Variants in CELF2 observed in about 807,000 individuals in gnomAD.
CELF2 encodes CUGBP Elav-like family member 2.
In CELF2, 8 loss-of-function variants were observed where a neutral mutation model predicts 62.6. The observed-to-expected ratio is 0.13, with a 90% CI of 0.07 to 0.23. The LOEUF (loss-of-function observed/expected upper bound fraction) is 0.23, where lower values mean the gene tolerates loss of function less well. Among genes scored for constraint, CELF2 ranks in the 10% least tolerant of loss-of-function variants. The pLI, the probability that CELF2 is intolerant of heterozygous loss-of-function variation, is 1.00. For synonymous variants in CELF2, 258 were observed against 250.0 expected, an observed-to-expected ratio of 1.03 and a Z score of -0.30; for missense variants, 333 against 671.0, an observed-to-expected ratio of 0.50 and a Z score of 5.56.
the CELF2 span, among the ~76,000 whole-genome samples, chr10:10,759,430 C>T: frequency 6.6e-6 from 1 of 151,272 alleles, no homozygotes; most frequent in Non-Finnish European, 1.5e-5. Flanking sequence ...CTACCTCAGG[C>T]TCCCAAGTAC....
chr10:11,198,676 C>A (rs774892789), intron 2 of CELF2, among the ~76,000 whole-genome samples: 58 of 152,160 alleles, frequency 3.8e-4, no homozygotes, highest in Non-Finnish European at 6.2e-4. Context: ...ACTTTGACAG[C>A]CAGCTATTGA....
chr10:10,574,167 G>T, the CELF2 span, among the ~76,000 whole-genome samples: 1 of 152,122 alleles, frequency 6.6e-6, no homozygotes, highest in Non-Finnish European at 1.5e-5. Flanking sequence ...GGGAATCATG[G>T]GAAATAAAGA....
At chr10:11,301,310 A>G (rs1361471972) in intron 9 of CELF2, among the ~76,000 whole-genome samples, 1 of 151,346 alleles carries the variant, frequency 6.6e-6, no homozygotes, top group Non-Finnish European at 1.5e-5. Context: ...CCCACCTTCT[A>G]CACAGAATAA....
At chr10:10,901,909 T>C (rs2062964792) in intron 1 of CELF2, among the ~76,000 whole-genome samples, 1 of 152,174 alleles carries the variant, frequency 6.6e-6, no homozygotes, top group Non-Finnish European at 1.5e-5. Flanking sequence ...TTTTTTGTAA[T>C]TGGGCAAAAG....
chr10:11,261,496 G>A (rs543902433), intron 5 of CELF2, among the ~76,000 whole-genome samples: 4 of 151,246 alleles, frequency 2.6e-5, no homozygotes, highest in Admixed American at 6.6e-5. Flanking sequence ...CTTACTCAGC[G>A]GCCCCAGCCC....
At chr10:10,509,743 C>A in the CELF2 span, among the ~76,000 whole-genome samples, 1 of 152,216 alleles carries the variant, frequency 6.6e-6, no homozygotes, top group East Asian at 1.9e-4. Context: ...ACACATACTG[C>A]AAACTCACTG....
rs964339804 is a variant in CELF2, at chr10:11,156,304, G to C, written c.75-9182G>C. On this transcript the variant is annotated intron_variant, in intron 1 of 12. Transcript: ENST00000633077. The surrounding 1 kb of genome is among the most constrained non-coding windows in gnomAD (Gnocchi z 4.3). ...TAATAGTGGCGACAGATCACATGAC[G>C]TGTGATTTAATTTTACTGCTTTGAA... Among the ~76,000 whole-genome samples, 4 of 152,144 alleles carry C rather than the reference G, an allele frequency of 2.6e-5. No individual in the cohort carries two copies. Among genetic ancestry groups the C allele is most frequent in the Admixed American group, 1.3e-4 (2 of 15,278 alleles).
At chr10:10,613,136 G>A in the CELF2 span, among the ~76,000 whole-genome samples, 7 of 5,588 alleles carry the variant, frequency 1.3e-3, no homozygotes, top group Admixed American at 3.0e-3. Context: ...TTTAAAAGTA[G>A]AGGGTTTTTT....
chr10:11,268,077 G>C lies in CELF2; in HGVS notation c.618+1400G>C, dbSNP rs1380930815. On this transcript the variant is annotated intron_variant, in intron 6 of 12. Transcript: ENST00000633077. The surrounding 1 kb of genome is among the most constrained non-coding windows in gnomAD (Gnocchi z 4.7). ...TTGGAATGTCTAGGAAGCTAATCTT[G>C]TCTGACACGCAGTTACACGTGTGAT... 6.6e-6 allele frequency among the ~76,000 whole-genome samples: 1 copy of C among 152,140 alleles called. No homozygotes were observed. The highest frequency in any genetic ancestry group is 1.5e-5 in the Non-Finnish European group (1 of 68,020).
chr10:11,225,009 A>C (rs1032894125), intron 3 of CELF2, among the ~76,000 whole-genome samples: 1 of 152,198 alleles, frequency 6.6e-6, no homozygotes, highest in African/African-American at 2.4e-5. Flanking sequence ...GGGGAGGGAA[A>C]GAAGTTTCGT....
chr10:11,282,509 T>C (rs1382761102), intron 8 of CELF2, among the ~76,000 whole-genome samples: 2 of 152,244 alleles, frequency 1.3e-5, no homozygotes, highest in Non-Finnish European at 2.9e-5. Flanking sequence ...GGAGCTTGCC[T>C]GGCACGCGCT....
the CELF2 span, among the ~76,000 whole-genome samples, chr10:10,574,896 T>A: frequency 7.3e-6 from 1 of 137,852 alleles, no homozygotes; most frequent in Non-Finnish European, 1.6e-5. Context: ...TTTTTTTTTT[T>A]TAATAGAGAT....
chr10:11,149,853 A>G lies in CELF2; in HGVS notation c.75-15633A>G, dbSNP rs145855711. On this transcript the variant is annotated intron_variant, in intron 1 of 12. Transcript: ENST00000633077. ...ATCTTGCATCGACCCCGATGGAAAT[A>G]TACTGTCTTCAGGTATTCAGCACTT... is the stretch of plus-strand genomic sequence containing the variant. Among the ~76,000 whole-genome samples, 103 of 152,356 alleles carry G rather than the reference A, an allele frequency of 6.8e-4. No individual in the cohort carries two copies. The East Asian group carries it at 0.016, about 24-fold the overall frequency.
the CELF2 span, among the ~76,000 whole-genome samples, chr10:10,757,588 AT>A: frequency 5.3e-5 from 8 of 152,352 alleles, no homozygotes; most frequent in African/African-American, 1.9e-4. Flanking sequence ...AAGAGAAACT[AT>A]TAAGAAACAT....
At chr10:10,927,438 A>T (rs527685745) in intron 2 of CELF2, among the ~76,000 whole-genome samples, 11 of 145,612 alleles carry the variant, frequency 7.6e-5, no homozygotes, top group South Asian at 2.2e-4. Flanking sequence ...TTATTTATTT[A>T]TTTTTTTTGA....
chr10:11,253,096 A>G (rs1361283044), intron 4 of CELF2, among the ~76,000 whole-genome samples: 1 of 152,238 alleles, frequency 6.6e-6, no homozygotes, highest in Middle Eastern at 3.4e-3. Flanking sequence ...AGTGATACAA[A>G]CAGAAGCTGC....
At chr10:10,672,127 A>G in the CELF2 span, among the ~76,000 whole-genome samples, 2 of 152,154 alleles carry the variant, frequency 1.3e-5, no homozygotes, top group Non-Finnish European at 2.9e-5. Context: ...AGTTCTTTAT[A>G]TATTTTATAT....
the CELF2 span, among the ~76,000 whole-genome samples, chr10:10,651,202 T>C: frequency 0.12 from 9,958 of 81,688 alleles, 1,391 homozygotes; most frequent in South Asian, 0.3. Flanking sequence ...ATATCCCACA[T>C]CTGGCTCGGA....
At position 11,321,013 on chromosome 10, in the gene CELF2, C is replaced by T. The variant is rs2095412899; in HGVS notation, c.1097-176C>T. On this transcript the variant is annotated intron_variant, in intron 10 of 12. Coordinates refer to ENST00000633077, the MANE Select transcript of CELF2 (RefSeq NM_001326342.2). The surrounding 1 kb of genome is among the most constrained non-coding windows in gnomAD (Gnocchi z 6.2). ...GTTCTCATGGCTTAGGTCATTTTCCCCCATTATCACGATTTATTTCTTCAT... is the reference window on the plus strand; with the variant it reads ...GTTCTCATGGCTTAGGTCATTTTCCTCCATTATCACGATTTATTTCTTCAT... 2 of 1,352,786 alleles carry T rather than the reference C, an allele frequency of 1.5e-6. No homozygotes were observed. The highest frequency in any genetic ancestry group is 2.0e-6 in the Non-Finnish European group (2 of 985,908). 83.8% of individuals were successfully genotyped at this position (1,352,786 alleles called of 1,614,324 possible). A position where few individuals can be genotyped will look rare whatever the true frequency, so the allele number is the denominator to read the frequency against.
Sources: allele counts gnomAD v4.1 joint callset (sites outside exome capture counted in the v4.1 genomes callset), GRCh38; gene constraint gnomAD v4.1.1; non-coding constraint Gnocchi (gnomAD v3.1); transcripts MANE v1.5; gene names NCBI Gene and HGNC (gene_info 2026-07-23, HGNC 2026-07-21).